HIPK2: variants seen among roughly 807,000 people sequenced by gnomAD.
HIPK2 encodes homeodomain interacting protein kinase 2, also known as homeodomain-interacting protein kinase 2.
Under a neutral mutation model 113.7 loss-of-function variants are expected in HIPK2, and 27 were observed. That is an observed-to-expected ratio of 0.24 (90% CI 0.17 to 0.33). The LOEUF is 0.33. Among genes scored for constraint, HIPK2 ranks in the 10% least tolerant of loss-of-function variants. The pLI is 1.00. For missense variants in HIPK2, 1,257 were observed against 1,588.0 expected, an observed-to-expected ratio of 0.79 and a Z score of 3.54; for synonymous variants, 631 against 642.2, an observed-to-expected ratio of 0.98 and a Z score of 0.26.
Position 139,573,265 on chromosome 7 carries a change from G to C in HIPK2, c.3259C>G (p.Leu1087Val). The change falls in exon 15 of 15, where the codon CTG becomes GTG. Residue 1087 changes from leucine (L) to valine (V), a missense_variant. Physicochemically the swap from Leu to Val is conservative, Grantham distance 32. Transcript: ENST00000406875. Reference protein sequence around the residue: ...SPSHGTVHPHLAAAAAAAHLP... With the variant: ...SPSHGTVHPHVAAAAAAAHLP... ...TGGGCAGCGGCAGCGGCTGCAGCCA[G>C]ATGCGGGTGCACAGTGCCGTGGCTG... is the stretch of plus-strand genomic sequence containing the variant. 1 of 1,604,660 alleles carries C rather than the reference G, an allele frequency of 6.2e-7. No homozygotes were observed. Among genetic ancestry groups the C allele is most frequent in the Non-Finnish European group, 8.5e-7 (1 of 1,179,724 alleles).
At chr7:139,729,150 C>A (rs1170416654) in intron 1 of HIPK2, among the ~76,000 whole-genome samples, 1 of 152,056 alleles carries the variant, frequency 6.6e-6, no homozygotes, top group Non-Finnish European at 1.5e-5. Context: ...ATGGTGAAAT[C>A]CTGTCTCTAC....
chr7:139,577,139 CCTT>C (rs1202898840), intron 13 of HIPK2, among the ~76,000 whole-genome samples: 88 of 145,128 alleles, frequency 6.1e-4, no homozygotes, highest in African/African-American at 2.0e-3. Context: ...TACTGGGCTT[CCTT>C]TTTTTTTTTT....
intron 1 of HIPK2, among the ~76,000 whole-genome samples, chr7:139,752,426 C>A (rs560561441): frequency 1.3e-5 from 2 of 152,132 alleles, no homozygotes; most frequent in African/African-American, 4.8e-5. Context: ...GAGTCTGTCT[C>A]GTGGTTTATC....
chr7:139,772,971 C>A lies in HIPK2; in HGVS notation c.19+4634G>T, dbSNP rs1324823761. On this transcript the variant is annotated intron_variant, in intron 1 of 14. Transcript: ENST00000406875. Reference sequence around the variant, plus strand: ...AAAAAAAAAGGAGAAGAAAAAATTCCATCTTGAATCAGACCCATGGTCTAG... The same window carrying A: ...AAAAAAAAAGGAGAAGAAAAAATTCAATCTTGAATCAGACCCATGGTCTAG... Among the ~76,000 whole-genome samples, 3 of 151,962 alleles carry A rather than the reference C, an allele frequency of 2.0e-5. No individual in the cohort carries two copies. In the East Asian group the frequency reaches 5.8e-4, roughly 29 times the overall value.
chr7:139,644,189 GA>G (rs1271474329), intron 2 of HIPK2, among the ~76,000 whole-genome samples: 1 of 152,000 alleles, frequency 6.6e-6, no homozygotes, highest in Non-Finnish European at 1.5e-5. Context: ...AATTATGAAA[GA>G]GAATATATAT....
chr7:139,664,486 G>A (rs1392047294), intron 2 of HIPK2, among the ~76,000 whole-genome samples: 7 of 152,076 alleles, frequency 4.6e-5, no homozygotes, highest in Non-Finnish European at 7.4e-5. Context: ...ACAGTGAGCC[G>A]AGATCAAGCC....
At chr7:139,760,711 AC>A (rs1162330222) in intron 1 of HIPK2, among the ~76,000 whole-genome samples, 1 of 152,214 alleles carries the variant, frequency 6.6e-6, no homozygotes, top group African/African-American at 2.4e-5. Flanking sequence ...TTAAAACTAA[AC>A]TGGACATGTC....
At chr7:139,774,931 A>C (rs1435117417) in intron 1 of HIPK2, among the ~76,000 whole-genome samples, 1 of 152,234 alleles carries the variant, frequency 6.6e-6, no homozygotes, top group African/African-American at 2.4e-5. Context: ...TGGAAGACTG[A>C]TTCTCTTTGC....
At chr7:139,583,276 G>A (rs964691622) in intron 13 of HIPK2, among the ~76,000 whole-genome samples, 5 of 151,894 alleles carry the variant, frequency 3.3e-5, no homozygotes, top group Non-Finnish European at 4.4e-5. Context: ...AAGCCTTCGC[G>A]GGACAGGAGG....
chr7:139,678,855 T>C (rs1802600860), intron 2 of HIPK2, among the ~76,000 whole-genome samples: 8 of 152,194 alleles, frequency 5.3e-5, no homozygotes, highest in Admixed American at 5.2e-4. Context: ...GGTTTGTAGT[T>C]CTCCTTGAAG....
rs1044686712 is a variant in HIPK2 at position 139,669,626 on chromosome 7, C to T, written c.1104-37901G>A. 6.4e-5 allele frequency among the ~76,000 whole-genome samples: 9 copies of T among 141,576 alleles called. No homozygotes were observed. The East Asian group carries it at 6.6e-4, about 10-fold the overall frequency. 92.9% of individuals were successfully genotyped at this position (141,576 alleles called of 152,430 possible). ...CCAGGTCTCACTGAACTGTTTCATT[C>T]GCAAAAACACTGTCACAGCCAGTGG... On this transcript the variant is annotated intron_variant, in intron 2 of 14. Transcript: ENST00000406875.
intron 2 of HIPK2, among the ~76,000 whole-genome samples, chr7:139,679,836 A>G (rs1802634877): frequency 6.6e-6 from 1 of 152,102 alleles, no homozygotes; most frequent in African/African-American, 2.4e-5. Context: ...TTGACTGGCA[A>G]AAGGCTCTGC....
chr7:139,722,341 T>C (rs1795437552), intron 1 of HIPK2, among the ~76,000 whole-genome samples: 2 of 152,210 alleles, frequency 1.3e-5, no homozygotes, highest in African/African-American at 2.4e-5. Context: ...AAGTCTCTCA[T>C]GCCGAAACAA....
intron 1 of HIPK2, among the ~76,000 whole-genome samples, chr7:139,720,780 C>T (rs561519239): frequency 3.3e-5 from 5 of 152,250 alleles, no homozygotes; most frequent in East Asian, 3.9e-4. Context: ...TCTTTAAGTA[C>T]CCGGAAGGGG....
At chr7:139,756,825 T>A (rs1470791545) in intron 1 of HIPK2, among the ~76,000 whole-genome samples, 1 of 152,228 alleles carries the variant, frequency 6.6e-6, no homozygotes, top group African/African-American at 2.4e-5. Flanking sequence ...ATGCATCAAC[T>A]ATACTCTCCC....
At chr7:139,699,858 C>G (rs1794659345) in intron 2 of HIPK2, among the ~76,000 whole-genome samples, 1 of 152,222 alleles carries the variant, frequency 6.6e-6, no homozygotes, top group South Asian at 2.1e-4. Flanking sequence ...CAGATGTGCC[C>G]TCCCGGGAGG....
chr7:139,666,029 T>C (rs762069931), intron 2 of HIPK2, among the ~76,000 whole-genome samples: 32 of 151,052 alleles, frequency 2.1e-4, no homozygotes, highest in Admixed American at 4.6e-4. Context: ...GTCCTGCCGA[T>C]AGACAGTGAC....
intron 2 of HIPK2, among the ~76,000 whole-genome samples, chr7:139,655,787 T>A (rs1023327669): frequency 6.6e-6 from 1 of 152,158 alleles, no homozygotes; most frequent in Non-Finnish European, 1.5e-5. Context: ...CACACTCTTG[T>A]AATGGGCAAC....
intron 2 of HIPK2, among the ~76,000 whole-genome samples, chr7:139,684,698 C>T (rs776187125): frequency 6.6e-6 from 1 of 152,186 alleles, no homozygotes; most frequent in Non-Finnish European, 1.5e-5. Context: ...GCCTGGACAA[C>T]AGAGAGAGAC....
Sources: gnomAD v4.1 joint callset for allele counts (sites outside exome capture counted in the v4.1 genomes callset) on GRCh38, gnomAD v4.1.1 for gene constraint, MANE v1.5 for transcripts, NCBI Gene and HGNC (gene_info 2026-07-23, HGNC 2026-07-21) for gene names.